The following PCDH15 variants were observed in gnomAD, a reference collection of about 807,000 sequenced individuals.
PCDH15 encodes protocadherin-15.
A neutral mutation model predicts 178.5 loss-of-function variants in PCDH15; 129 were observed. The observed-to-expected ratio is 0.72, with a 90% CI of 0.63 to 0.84. The LOEUF is 0.84. Ranked by LOEUF, PCDH15 falls within the 40% of genes least tolerant of loss-of-function variation. PCDH15 has a pLI of 0.00. For missense variants in PCDH15, 2,230 were observed against 2,099.9 expected (o/e 1.06, Z -1.21); for synonymous variants, 800 against 732.0 (o/e 1.09, Z -1.50).
At chr10:53,876,195 TTTG>T (rs1297052078) in intron 26 of PCDH15, among the ~76,000 whole-genome samples, 1 of 53,378 alleles carries the variant, frequency 1.9e-5, no homozygotes, top group Non-Finnish European at 2.8e-5. Flanking sequence ...TTTTTGTTTT[TTTG>T]TTTTTTTTTT....
At chr10:55,101,968 G>A (rs1356360844) in intron 2 of PCDH15, among the ~76,000 whole-genome samples, 3 of 151,518 alleles carry the variant, frequency 2.0e-5, no homozygotes, top group African/African-American at 7.3e-5. Flanking sequence ...CTATTTTCAT[G>A]TATTAAATCC....
At chr10:55,312,068 T>C (rs987220788) in intron 1 of PCDH15, among the ~76,000 whole-genome samples, 1 of 152,162 alleles carries the variant, frequency 6.6e-6, no homozygotes, top group African/African-American at 2.4e-5. Flanking sequence ...TCATCTGCTG[T>C]GAGTCACTGT....
chr10:54,042,647 T>C (rs1400159668), intron 18 of PCDH15, among the ~76,000 whole-genome samples: 2 of 151,898 alleles, frequency 1.3e-5, no homozygotes, highest in African/African-American at 2.4e-5. Context: ...GTGATGCAAA[T>C]GATGTTGGAG....
chr10:53,811,159 A>G (rs949074030), intron 36 of PCDH15, among the ~76,000 whole-genome samples: 19 of 152,132 alleles, frequency 1.2e-4, no homozygotes, highest in Non-Finnish European at 2.4e-4. Context: ...GTGGATTCTA[A>G]GGTGTGTTTT....
At chr10:54,541,884 T>C (rs1287373508) in intron 2 of PCDH15, among the ~76,000 whole-genome samples, 3 of 152,282 alleles carry the variant, frequency 2.0e-5, no homozygotes, top group South Asian at 4.1e-4. Flanking sequence ...TGTTTAAAAT[T>C]ACACTCTTCC....
chr10:54,549,415 C>T (rs1276650883), intron 2 of PCDH15, among the ~76,000 whole-genome samples: 1 of 151,172 alleles, frequency 6.6e-6, no homozygotes, highest in African/African-American at 2.4e-5. Context: ...TCTTTTTTAC[C>T]CATAGGTTAT....
At chr10:54,358,176 A>T (rs1945353039) in intron 5 of PCDH15, among the ~76,000 whole-genome samples, 1 of 148,606 alleles carries the variant, frequency 6.7e-6, no homozygotes, top group African/African-American at 2.6e-5. Flanking sequence ...GGATCTAATT[A>T]AACTAAAGAG....
At chr10:54,473,686 A>C (rs1373893152) in intron 3 of PCDH15, among the ~76,000 whole-genome samples, 2 of 152,032 alleles carry the variant, frequency 1.3e-5, no homozygotes, top group Non-Finnish European at 1.5e-5. Context: ...ATAATATAAC[A>C]ATCCATTAAA....
Position 54,993,806 on chromosome 10 carries a change from A to G in PCDH15, c.-79-96306T>C, listed in dbSNP as rs141053150. On this transcript the variant is annotated intron_variant, in intron 2 of 5. Coordinates refer to the PCDH15 transcript ENST00000458638. The stretch of plus-strand genomic sequence containing the variant: ...GAAAATCTACAGTGAAAATATATTT[A>G]TTTTTTGTTACTGAATAAAATAAAT... Among the ~76,000 whole-genome samples the G allele has an allele frequency of 1.1e-4, 16 of 152,238 alleles. No individual in the cohort carries two copies. The East Asian group carries it at 2.7e-3, about 26-fold the overall frequency.
chr10:55,508,138 A>C, intron 2 of PCDH15, among the ~76,000 whole-genome samples: 1 of 151,684 alleles, frequency 6.6e-6, no homozygotes, highest in East Asian at 1.9e-4. Flanking sequence ...GACCACAATT[A>C]AAGTGGGATA....
At chr10:54,544,736 C>T (rs990426237) in intron 2 of PCDH15, among the ~76,000 whole-genome samples, 6 of 152,094 alleles carry the variant, frequency 3.9e-5, no homozygotes, top group Non-Finnish European at 7.4e-5. Flanking sequence ...ACGGCATACA[C>T]GCAATGGTTT....
chr10:54,550,056 A>G (rs892189809), intron 2 of PCDH15, among the ~76,000 whole-genome samples: 24 of 152,102 alleles, frequency 1.6e-4, no homozygotes, highest in African/African-American at 5.6e-4. Context: ...ACCACAAGCA[A>G]TTTACAGACG....
At chr10:53,957,501 A>ATTTTTT (rs1242524787) in intron 23 of PCDH15, among the ~76,000 whole-genome samples, 1 of 57,136 alleles carries the variant, frequency 1.8e-5, no homozygotes, top group Non-Finnish European at 3.6e-5. Context: ...TATATTTACT[A>ATTTTTT]TGTTTTTTTT....
At chr10:54,953,198 G>T (rs1361980487) in intron 2 of PCDH15, among the ~76,000 whole-genome samples, 1 of 151,130 alleles carries the variant, frequency 6.6e-6, no homozygotes, top group African/African-American at 2.4e-5. Context: ...TTTCCTCTTT[G>T]TTCATAATTT....
chr10:54,774,320 G>A (rs1357047616), intron 1 of PCDH15, among the ~76,000 whole-genome samples: 1 of 151,966 alleles, frequency 6.6e-6, no homozygotes, highest in Admixed American at 6.6e-5. Context: ...GAGCCACTGC[G>A]CCCAGCCACT....
intron 2 of PCDH15, among the ~76,000 whole-genome samples, chr10:55,159,609 A>G (rs1225672660): frequency 2.0e-5 from 3 of 148,352 alleles, no homozygotes; most frequent in Non-Finnish European, 4.5e-5. Context: ...GTAAATGTGT[A>G]AATAAATATA....
chr10:54,132,144 C>T (rs2042489549), intron 15 of PCDH15, among the ~76,000 whole-genome samples: 1 of 152,030 alleles, frequency 6.6e-6, no homozygotes, highest in South Asian at 2.1e-4. Flanking sequence ...AGTACGTCAT[C>T]TTATGATTCT....
intron 1 of PCDH15, among the ~76,000 whole-genome samples, chr10:54,734,446 A>C (rs1294597315): frequency 6.6e-6 from 1 of 151,884 alleles, no homozygotes; most frequent in African/African-American, 2.4e-5. Context: ...ACACTCATGC[A>C]TTGCTGGTGA....
At chr10:55,070,249 G>T (rs1459781947) in intron 2 of PCDH15, among the ~76,000 whole-genome samples, 2 of 152,156 alleles carry the variant, frequency 1.3e-5, no homozygotes, top group African/African-American at 4.8e-5. Flanking sequence ...TCTGATGGTA[G>T]TTTCTTTTGC....
Sources: allele counts gnomAD v4.1 joint callset (sites outside exome capture counted in the v4.1 genomes callset), GRCh38; gene constraint gnomAD v4.1.1; transcripts MANE v1.5; gene names NCBI Gene and HGNC (gene_info 2026-07-23, HGNC 2026-07-21).